The following AFF3 variants were observed in gnomAD, a reference collection of about 807,000 sequenced individuals.
The protein encoded by AFF3 is ALF transcription elongation factor 3.
In AFF3, 32 loss-of-function variants were observed where a neutral mutation model predicts 129.7. That is an observed-to-expected ratio of 0.25 (90% confidence interval 0.19 to 0.33). AFF3 has a LOEUF of 0.33. AFF3 is among the 10% of genes least tolerant of loss of function. The probability of loss-of-function intolerance (pLI) is 1.00; values close to 1 mark genes in which losing one functional copy is unlikely to be tolerated. For synonymous variants in AFF3, 644 were observed against 635.4 expected, an observed-to-expected ratio of 1.01 and a Z score of -0.20; for missense variants, 1,373 against 1,592.0, an observed-to-expected ratio of 0.86 and a Z score of 2.34.
rs181000379 is a variant in AFF3 at position 99,573,010 on chromosome 2, C to T, written c.2919-4095G>A. Among the ~76,000 whole-genome samples, 833 of 152,314 alleles carry T rather than the reference C, an allele frequency of 5.5e-3. 2 individuals carry two copies. The highest frequency in any genetic ancestry group is 7.5e-3 in the South Asian group (36 of 4,826). ...GCCACAGGACTGCTTCCCTCTCAGC[C>T]GGCCACAGAAGGCAGGGTTTGCTCT... On this transcript the variant is annotated intron_variant, in intron 18 of 24. Coordinates refer to ENST00000672756, the MANE Select transcript of AFF3 (RefSeq NM_001386135.1).
At chr2:99,682,872 T>C (rs1674661395) in intron 11 of AFF3, among the ~76,000 whole-genome samples, 1 of 152,252 alleles carries the variant, frequency 6.6e-6, no homozygotes, top group African/African-American at 2.4e-5. Context: ...AGATGGCAGA[T>C]ACGAGGTTCT....
At chr2:99,798,316 A>T (rs1219826542) in intron 8 of AFF3, among the ~76,000 whole-genome samples, 1 of 151,996 alleles carries the variant, frequency 6.6e-6, no homozygotes, top group African/African-American at 2.4e-5. Flanking sequence ...GCAAAAGAAG[A>T]CAGGACAAGA....
At chr2:100,085,339 ACCAGTTCCCAATT>A (rs775171482) in intron 4 of AFF3, among the ~76,000 whole-genome samples, 186 of 150,118 alleles carry the variant, frequency 1.2e-3, no homozygotes, top group Middle Eastern at 3.4e-3. Context: ...CCTCGGCCAC[ACCAGTTCCCAATT>A]CCATATGCTC....
In AFF3 at chr2:99,699,765, A is replaced by G. The variant is rs112482058; in HGVS notation, c.1092-27176T>C. ...CTACAGCAGTGCCGATCTCTGCCTC[A>G]CTCTTTGAGGTCACCACAATGCTTT... On this transcript the variant is annotated intron_variant, in intron 11 of 24. Coordinates refer to ENST00000672756, the MANE Select transcript of AFF3 (RefSeq NM_001386135.1). Among the ~76,000 whole-genome samples, 669 of 152,096 alleles carry G rather than the reference A, an allele frequency of 4.4e-3. 7 individuals carry two copies. The highest frequency in any genetic ancestry group is 0.016 in the African/African-American group (644 of 41,484).
At chr2:99,640,838 T>C (rs1310244295) in intron 13 of AFF3, among the ~76,000 whole-genome samples, 1 of 152,330 alleles carries the variant, frequency 6.6e-6, no homozygotes, top group South Asian at 2.1e-4. Context: ...AGGAATTACA[T>C]GAGGTGCTGA....
chr2:99,831,257 C>T (rs1050670814), intron 8 of AFF3, among the ~76,000 whole-genome samples: 9 of 152,170 alleles, frequency 5.9e-5, no homozygotes, highest in African/African-American at 2.2e-4. Context: ...TCTAAAAATC[C>T]TTTTAAATGC....
At chr2:100,061,190 G>A (rs1459147326) in intron 4 of AFF3, among the ~76,000 whole-genome samples, 1 of 152,148 alleles carries the variant, frequency 6.6e-6, no homozygotes, top group Non-Finnish European at 1.5e-5. Flanking sequence ...CCTTGCCCTA[G>A]TGTGATGTTT....
At chr2:100,098,640 G>A (rs1357992721) in intron 4 of AFF3, among the ~76,000 whole-genome samples, 3 of 131,882 alleles carry the variant, frequency 2.3e-5, no homozygotes, top group Admixed American at 2.2e-4. Flanking sequence ...ACACAGGAAG[G>A]AATCATTTCC....
intron 1 of AFF3, among the ~76,000 whole-genome samples, chr2:100,130,495 G>T (rs182109760): frequency 1.3e-5 from 2 of 152,238 alleles, no homozygotes; most frequent in Non-Finnish European, 2.9e-5. Flanking sequence ...CTGAGCAAGA[G>T]AAGTGTGGGC....
chr2:99,853,136 C>A (rs1690271543), intron 7 of AFF3, among the ~76,000 whole-genome samples: 1 of 152,108 alleles, frequency 6.6e-6, no homozygotes, highest in South Asian at 2.1e-4. Context: ...TGTTTGAAAT[C>A]ATTAAAAAAA....
At chr2:99,589,397 ATTTTTTTT>A (rs55888825) in intron 15 of AFF3, among the ~76,000 whole-genome samples, 1 of 103,384 alleles carries the variant, frequency 9.7e-6, no homozygotes, top group Non-Finnish European at 1.9e-5. Flanking sequence ...AGATGTCAAC[ATTTTTTTT>A]TTTTTTTTTT....
chr2:100,035,725 T>G (rs138397798), intron 4 of AFF3, among the ~76,000 whole-genome samples: 3 of 152,300 alleles, frequency 2.0e-5, no homozygotes, highest in African/African-American at 7.2e-5. Context: ...ATTTGTTCAA[T>G]GAAAGAACAA....
chr2:99,997,991 T>C (rs907128355), intron 7 of AFF3, among the ~76,000 whole-genome samples: 15 of 152,110 alleles, frequency 9.9e-5, no homozygotes, highest in African/African-American at 3.6e-4. Flanking sequence ...GCTCTGCTTT[T>C]TCCTCTCTCT....
chr2:100,069,609 A>G (rs1381843898), intron 4 of AFF3, among the ~76,000 whole-genome samples: 1 of 152,230 alleles, frequency 6.6e-6, no homozygotes, highest in Admixed American at 6.5e-5. Flanking sequence ...AATGGCTTAC[A>G]TAGAGTTAAT....
intron 8 of AFF3, among the ~76,000 whole-genome samples, chr2:99,757,555 T>C (rs779522419): frequency 2.0e-5 from 3 of 152,354 alleles, no homozygotes; most frequent in South Asian, 2.1e-4. Context: ...AGGTAGGCTT[T>C]ATTATTTTCT....
chr2:99,719,962 G>A (rs756875531), intron 11 of AFF3, among the ~76,000 whole-genome samples: 31 of 152,276 alleles, frequency 2.0e-4, no homozygotes, highest in Middle Eastern at 3.4e-3. Flanking sequence ...GCGTGAACCC[G>A]GGAGGCGGAG....
At chr2:99,934,484 T>C (rs1258225566) in intron 7 of AFF3, among the ~76,000 whole-genome samples, 1 of 152,276 alleles carries the variant, frequency 6.6e-6, no homozygotes, top group East Asian at 1.9e-4. Flanking sequence ...CACATGTTCT[T>C]AAGCATCTCA....
At chr2:99,991,890 A>G (rs1198377826) in intron 7 of AFF3, among the ~76,000 whole-genome samples, 1 of 151,910 alleles carries the variant, frequency 6.6e-6, no homozygotes, top group Non-Finnish European at 1.5e-5. Context: ...GCAACAGAGC[A>G]AGATTTTGTC....
intron 7 of AFF3, among the ~76,000 whole-genome samples, chr2:99,891,483 C>T (rs1693546700): frequency 6.6e-6 from 1 of 152,182 alleles, no homozygotes; most frequent in Non-Finnish European, 1.5e-5. Context: ...AGCATCACAG[C>T]CTCCAGCAGA....
Sources: allele counts gnomAD v4.1 joint callset (sites outside exome capture counted in the v4.1 genomes callset), GRCh38; gene constraint gnomAD v4.1.1; transcripts MANE v1.5; gene names NCBI Gene and HGNC (gene_info 2026-07-23, HGNC 2026-07-21).